Variants in MCTP1 observed in about 807,000 individuals in gnomAD.
The protein encoded by MCTP1 is multiple C2 and transmembrane domain containing 1, also known as multiple C2 and transmembrane domain-containing protein 1.
MCTP1 carries 69 observed loss-of-function variants against 120.6 expected under a neutral mutation model. The ratio of observed to expected loss-of-function variants is 0.57; its 90% CI spans 0.47 to 0.70. The LOEUF is 0.70. Among genes scored for constraint, MCTP1 ranks in the 30% least tolerant of loss-of-function variants. The pLI is 0.00. For missense variants in MCTP1, 1,203 were observed against 1,248.8 expected, an observed-to-expected ratio of 0.96 and a Z score of 0.55; for synonymous variants, 529 against 493.1, an observed-to-expected ratio of 1.07 and a Z score of -0.96.
intron 1 of MCTP1, among the ~76,000 whole-genome samples, chr5:95,211,067 T>C (rs1001855003): frequency 1.3e-5 from 2 of 152,164 alleles, no homozygotes; most frequent in African/African-American, 2.4e-5. Flanking sequence ...TGGGCTTCCC[T>C]TTGTGGGTAA....
At chr5:95,176,219 G>A (rs139914570) in intron 1 of MCTP1, among the ~76,000 whole-genome samples, 87 of 152,146 alleles carry the variant, frequency 5.7e-4, no homozygotes, top group African/African-American at 1.5e-3. Flanking sequence ...CTAGGTCTGG[G>A]GCACATAAGA....
At chr5:94,871,709 TA>T (rs913150139) in intron 13 of MCTP1, among the ~76,000 whole-genome samples, 17 of 152,116 alleles carry the variant, frequency 1.1e-4, no homozygotes, top group African/African-American at 3.1e-4. Context: ...ATAAGTTATT[TA>T]AAAAATCAAG....
At chr5:95,094,317 T>C (rs1756061568) in intron 1 of MCTP1, among the ~76,000 whole-genome samples, 1 of 152,234 alleles carries the variant, frequency 6.6e-6, no homozygotes, top group Non-Finnish European at 1.5e-5. Context: ...TTTGGATCTC[T>C]ATCACTCAAC....
intron 19 of MCTP1, among the ~76,000 whole-genome samples, chr5:94,777,136 A>G (rs1775543267): frequency 6.6e-6 from 1 of 152,190 alleles, no homozygotes; most frequent in East Asian, 1.9e-4. Flanking sequence ...CACATGGAAA[A>G]CACACTGCTT....
chr5:95,282,691 C>T (rs920496617), intron 1 of MCTP1, among the ~76,000 whole-genome samples: 1 of 152,164 alleles, frequency 6.6e-6, no homozygotes, highest in Non-Finnish European at 1.5e-5. Flanking sequence ...TCTGGATCAT[C>T]AGGTGTTTGC....
intron 19 of MCTP1, among the ~76,000 whole-genome samples, chr5:94,718,896 T>C (rs1014602706): frequency 6.6e-6 from 1 of 152,132 alleles, no homozygotes; most frequent in African/African-American, 2.4e-5. Context: ...ATTTTTTGTA[T>C]TTTTAGTAGA....
intron 1 of MCTP1, among the ~76,000 whole-genome samples, chr5:95,032,617 A>G (rs911807956): frequency 3.9e-5 from 6 of 152,066 alleles, no homozygotes; most frequent in African/African-American, 1.2e-4. Flanking sequence ...TGTAGTAATA[A>G]ATGCCTACAT....
chr5:95,008,522 C>T (rs1835224305), intron 2 of MCTP1, among the ~76,000 whole-genome samples: 1 of 152,124 alleles, frequency 6.6e-6, no homozygotes, highest in Non-Finnish European at 1.5e-5. Context: ...TTTTGTTGAT[C>T]ATTTAAATTA....
At chr5:95,155,470 T>C (rs1366521783) in intron 1 of MCTP1, among the ~76,000 whole-genome samples, 1 of 152,180 alleles carries the variant, frequency 6.6e-6, no homozygotes. Context: ...TGTTTTGCTT[T>C]ATAATAGCTA....
chr5:94,853,066 A>G (rs1794062177), intron 17 of MCTP1, among the ~76,000 whole-genome samples: 1 of 152,008 alleles, frequency 6.6e-6, no homozygotes, highest in Non-Finnish European at 1.5e-5. Context: ...ACAAACCAAT[A>G]AAGGCTATTG....
intron 1 of MCTP1, among the ~76,000 whole-genome samples, chr5:95,103,792 A>G (rs1299781790): frequency 2.6e-5 from 4 of 152,192 alleles, no homozygotes; most frequent in Non-Finnish European, 5.9e-5. Context: ...CTTGAAAGCA[A>G]ATTGCTACAA....
At chr5:95,011,388 T>C (rs539114661) in intron 2 of MCTP1, among the ~76,000 whole-genome samples, 42 of 152,216 alleles carry the variant, frequency 2.8e-4, no homozygotes, top group Middle Eastern at 3.4e-3. Context: ...AGCTCAAAGA[T>C]ATTTATCTTA....
At chr5:95,169,882 GTC>G (rs1241940743) in intron 1 of MCTP1, among the ~76,000 whole-genome samples, 1 of 152,050 alleles carries the variant, frequency 6.6e-6, no homozygotes, top group East Asian at 1.9e-4. Context: ...GGTTTTTCGT[GTC>G]TCTATCTCCT....
chr5:95,154,666 T>G (rs1744896438), intron 1 of MCTP1, among the ~76,000 whole-genome samples: 1 of 152,162 alleles, frequency 6.6e-6, no homozygotes, highest in Admixed American at 6.5e-5. Flanking sequence ...TAACTGAAAT[T>G]GTGTGAAGAT....
chr5:95,025,156 G>A (rs571454837), intron 1 of MCTP1, among the ~76,000 whole-genome samples: 2 of 152,096 alleles, frequency 1.3e-5, no homozygotes, highest in African/African-American at 4.8e-5. Context: ...CACACTATCA[G>A]ATTTCAAAAT....
At chr5:94,758,991 C>G (rs928517473) in intron 19 of MCTP1, among the ~76,000 whole-genome samples, 3 of 151,960 alleles carry the variant, frequency 2.0e-5, no homozygotes, top group Non-Finnish European at 4.4e-5. Context: ...GTAGAGAAAA[C>G]CTATGCTTGA....
intron 10 of MCTP1, among the ~76,000 whole-genome samples, chr5:94,899,127 A>G (rs1049353737): frequency 6.6e-6 from 1 of 152,234 alleles, no homozygotes; most frequent in Non-Finnish European, 1.5e-5. Flanking sequence ...GTGTGCCACT[A>G]TGGGTGGCAG....
At chr5:94,724,554 C>A (rs941838276) in intron 19 of MCTP1, among the ~76,000 whole-genome samples, 1 of 151,878 alleles carries the variant, frequency 6.6e-6, no homozygotes, top group Non-Finnish European at 1.5e-5. Context: ...GCCAAGAAAA[C>A]CCTTTTTAAC....
intron 1 of MCTP1, among the ~76,000 whole-genome samples, chr5:95,274,511 T>C (rs1227562324): frequency 6.6e-6 from 1 of 152,208 alleles, no homozygotes; most frequent in African/African-American, 2.4e-5. Context: ...TCCTTTATCT[T>C]TGACCTCTCC....
Sources: gnomAD v4.1 joint callset for allele counts (sites outside exome capture counted in the v4.1 genomes callset) on GRCh38, gnomAD v4.1.1 for gene constraint, MANE v1.5 for transcripts, NCBI Gene and HGNC (gene_info 2026-07-23, HGNC 2026-07-21) for gene names.